Variants in DNER observed in about 807,000 individuals in gnomAD.
The protein encoded by DNER is delta/notch like EGF repeat containing, also known as delta and Notch-like epidermal growth factor-related receptor.
A neutral mutation model predicts 78.2 loss-of-function variants in DNER; 33 were observed. That is an observed-to-expected ratio of 0.42 (90% CI 0.32 to 0.56). DNER has a LOEUF of 0.56. Ranked by LOEUF, DNER falls within the 20% of genes least tolerant of loss-of-function variation. DNER has a pLI of 0.11. For missense variants in DNER, 918 were observed against 975.3 expected (o/e 0.94, Z 0.78); for synonymous variants, 417 against 384.8 (o/e 1.08, Z -0.98).
chr2:229,488,997 G>A (rs1695337221), intron 6 of DNER, among the ~76,000 whole-genome samples: 1 of 152,180 alleles, frequency 6.6e-6, no homozygotes, highest in South Asian at 2.1e-4. Flanking sequence ...ATTGAATACC[G>A]TCACCCATGC....
chr2:229,633,904 C>T (rs1018807592), intron 1 of DNER, among the ~76,000 whole-genome samples: 1 of 152,236 alleles, frequency 6.6e-6, no homozygotes, highest in Non-Finnish European at 1.5e-5. Flanking sequence ...CACAGAAGCA[C>T]TATTTTATTC....
At chr2:229,374,964 T>G (rs73096277) in intron 11 of DNER, among the ~76,000 whole-genome samples, 2,183 of 152,306 alleles carry the variant, frequency 0.014, 51 homozygotes, top group African/African-American at 0.05. Flanking sequence ...AGCATTTCCC[T>G]ATGCTGTACA....
intron 1 of DNER, among the ~76,000 whole-genome samples, chr2:229,687,488 T>G (rs1019731993): frequency 9.9e-5 from 15 of 152,098 alleles, no homozygotes; most frequent in Non-Finnish European, 4.4e-5. Context: ...GGTCTCGAAC[T>G]CCTGACCTCA....
chr2:229,517,591 T>G (rs540546325), intron 5 of DNER, among the ~76,000 whole-genome samples: 1 of 152,334 alleles, frequency 6.6e-6, no homozygotes, highest in East Asian at 1.9e-4. Context: ...GAAACCAGTG[T>G]CGCTAGAGTA....
intron 11 of DNER, among the ~76,000 whole-genome samples, chr2:229,375,579 C>T (rs1165420417): frequency 6.6e-6 from 1 of 152,170 alleles, no homozygotes; most frequent in East Asian, 1.9e-4. Flanking sequence ...TTGGACCCCA[C>T]CACCATTGCT....
At chr2:229,458,615 CACTT>C (rs1378730908) in intron 7 of DNER, among the ~76,000 whole-genome samples, 1 of 148,712 alleles carries the variant, frequency 6.7e-6, no homozygotes, top group African/African-American at 2.6e-5. Flanking sequence ...TAGAAGGTAA[CACTT>C]GCTGTATCTT....
At chr2:229,684,124 T>G (rs2396698) in intron 1 of DNER, among the ~76,000 whole-genome samples, 21,752 of 67,166 alleles carry the variant, frequency 0.32, 1,945 homozygotes, top group East Asian at 0.47. Flanking sequence ...GTGTGTGTGT[T>G]TGTGTGTGTG....
intron 12 of DNER, among the ~76,000 whole-genome samples, chr2:229,360,415 T>A (rs758171506): frequency 6.6e-6 from 1 of 152,188 alleles, no homozygotes; most frequent in Non-Finnish European, 1.5e-5. Context: ...TCCTTTTTTT[T>A]ATTTTTTATT....
chr2:229,544,726 G>T (rs547947602), intron 5 of DNER, among the ~76,000 whole-genome samples: 3 of 151,958 alleles, frequency 2.0e-5, no homozygotes, highest in African/African-American at 4.8e-5. Flanking sequence ...TAGAGACAGG[G>T]TTTCACCATG....
intron 6 of DNER, among the ~76,000 whole-genome samples, chr2:229,507,464 C>A (rs1695769364): frequency 2.0e-5 from 3 of 152,174 alleles, no homozygotes; most frequent in African/African-American, 7.2e-5. Context: ...CAGTAAAATT[C>A]TTTTTCCCAT....
intron 7 of DNER, among the ~76,000 whole-genome samples, chr2:229,450,102 C>T (rs1303718401): frequency 6.6e-6 from 1 of 152,136 alleles, no homozygotes; most frequent in African/African-American, 2.4e-5. Context: ...TTTAAGAGGA[C>T]ATTTTGATTA....
chr2:229,358,716 T>A, intron 12 of DNER, 65 bp from the exon 13 acceptor site: 1 of 1,358,458 alleles, frequency 7.4e-7, no homozygotes, highest in Non-Finnish European at 1.0e-6. Flanking sequence ...TTAAAGCAAG[T>A]GATGAGAATA....
intron 1 of DNER, among the ~76,000 whole-genome samples, chr2:229,629,442 A>G (rs984194285): frequency 6.6e-6 from 1 of 152,104 alleles, no homozygotes; most frequent in African/African-American, 2.4e-5. Flanking sequence ...CTATGTGGAG[A>G]CCTCATTGGG....
chr2:229,398,418 T>C (rs1330792524), intron 10 of DNER, among the ~76,000 whole-genome samples: 1 of 152,054 alleles, frequency 6.6e-6, no homozygotes, highest in Non-Finnish European at 1.5e-5. Context: ...CTATCAACTA[T>C]TTAAAGAAGA....
intron 11 of DNER, among the ~76,000 whole-genome samples, chr2:229,375,934 C>A (rs1692588637): frequency 6.6e-6 from 1 of 152,060 alleles, no homozygotes; most frequent in Non-Finnish European, 1.5e-5. Context: ...GGGCGGGTCC[C>A]CCATGCTGTT....
chr2:229,453,003 T>C, intron 7 of DNER, among the ~76,000 whole-genome samples: 1 of 152,234 alleles, frequency 6.6e-6, no homozygotes, highest in Non-Finnish European at 1.5e-5. Context: ...TGTATATGTG[T>C]CTTCTCTGTG....
chr2:229,390,257 G>A (rs2106336928), intron 10 of DNER, among the ~76,000 whole-genome samples: 1 of 152,310 alleles, frequency 6.6e-6, no homozygotes, highest in Admixed American at 6.5e-5. Flanking sequence ...TACAGAAACA[G>A]CCCACATTTC....
intron 1 of DNER, among the ~76,000 whole-genome samples, chr2:229,712,370 A>T (rs186234634): frequency 2.6e-5 from 4 of 152,298 alleles, no homozygotes; most frequent in Non-Finnish European, 5.9e-5. Flanking sequence ...AAGATGTCTT[A>T]TATCTGTTTT....
chr2:229,562,362 T>C (rs1487537092), intron 4 of DNER, among the ~76,000 whole-genome samples: 3 of 152,180 alleles, frequency 2.0e-5, no homozygotes, highest in African/African-American at 7.2e-5. Context: ...GCTCGCTTTA[T>C]ATTGAATAGG....
Sources: allele counts gnomAD v4.1 joint callset (sites outside exome capture counted in the v4.1 genomes callset), GRCh38; gene constraint gnomAD v4.1.1; transcripts MANE v1.5; gene names NCBI Gene and HGNC (gene_info 2026-07-23, HGNC 2026-07-21).